The following FAT3 variants were observed in gnomAD, a reference collection of about 807,000 sequenced individuals.
FAT3 encodes the protein FAT atypical cadherin 3, also known as protocadherin Fat 3.
In FAT3, 95 loss-of-function variants were observed where a neutral mutation model predicts 310.2. The observed-to-expected ratio is 0.31, with a 90% confidence interval of 0.26 to 0.36. FAT3 has a LOEUF of 0.36. FAT3 is among the 10% of genes least tolerant of loss of function. The pLI is 1.00. For missense variants in FAT3, 5,408 were observed against 5,715.6 expected, an observed-to-expected ratio of 0.95 and a Z score of 1.74; for synonymous variants, 2,314 against 2,192.9, an observed-to-expected ratio of 1.06 and a Z score of -1.54.
intron 1 of FAT3, among the ~76,000 whole-genome samples, chr11:92,233,766 G>A (rs1864292493): frequency 6.6e-6 from 1 of 152,210 alleles, no homozygotes; most frequent in African/African-American, 2.4e-5. Context: ...TATATTGCCA[G>A]ATCAATTCCC....
chr11:92,343,319 A>T (rs10830899), intron 1 of FAT3, among the ~76,000 whole-genome samples: 11,409 of 132,072 alleles, frequency 0.086, 602 homozygotes, highest in African/African-American at 0.23. Context: ...GGCTTTGGTT[A>T]GGGATTTTTT....
At chr11:92,869,882 C>T (rs1276390329) in intron 22 of FAT3, among the ~76,000 whole-genome samples, 2 of 152,206 alleles carry the variant, frequency 1.3e-5, no homozygotes, top group Non-Finnish European at 2.9e-5. Context: ...CAGTGTTGTG[C>T]CCCCAGATCA....
At chr11:92,769,527 A>G (rs1365350289) in intron 6 of FAT3, among the ~76,000 whole-genome samples, 1 of 152,222 alleles carries the variant, frequency 6.6e-6, no homozygotes, top group Non-Finnish European at 1.5e-5. Flanking sequence ...ATATTTCAAT[A>G]GAGAAGGCCA....
intron 3 of FAT3, among the ~76,000 whole-genome samples, chr11:92,601,722 C>T (rs568728736): frequency 6.6e-6 from 1 of 152,036 alleles, no homozygotes. Context: ...TAGAATGGAA[C>T]CTATTATATA....
chr11:92,409,829 G>T (rs1214961190), intron 2 of FAT3, among the ~76,000 whole-genome samples: 2 of 151,950 alleles, frequency 1.3e-5, no homozygotes, highest in African/African-American at 2.4e-5. Context: ...TTTTTCTTTT[G>T]TGTTTTGCCA....
intron 2 of FAT3, among the ~76,000 whole-genome samples, chr11:92,428,859 A>AT (rs1950699563): frequency 6.6e-6 from 1 of 152,120 alleles, no homozygotes; most frequent in Non-Finnish European, 1.5e-5. Context: ...TTTTCTGTTG[A>AT]TTCGGGGTGG....
intron 3 of FAT3, among the ~76,000 whole-genome samples, chr11:92,578,884 A>T (rs1330514875): frequency 1.3e-5 from 2 of 152,146 alleles, no homozygotes; most frequent in East Asian, 3.9e-4. Flanking sequence ...TCATAAAAAA[A>T]ATGCTGGAAA....
At chr11:92,517,054 G>C (rs151006062) in intron 2 of FAT3, among the ~76,000 whole-genome samples, 6,747 of 152,230 alleles carry the variant, frequency 0.044, 183 homozygotes, top group East Asian at 0.084. Flanking sequence ...CGGCCATACT[G>C]CCCAAAGAAA....
chr11:92,525,436 C>T (rs888540743), intron 3 of FAT3, among the ~76,000 whole-genome samples: 1 of 152,178 alleles, frequency 6.6e-6, no homozygotes, highest in Non-Finnish European at 1.5e-5. Context: ...TCCAGTGTCT[C>T]AATTTTTACA....
chr11:92,282,825 G>A (rs1245000814), intron 1 of FAT3, among the ~76,000 whole-genome samples: 4 of 151,996 alleles, frequency 2.6e-5, no homozygotes, highest in African/African-American at 4.8e-5. Context: ...CTCTGTAAAC[G>A]ATTGTTTACT....
intron 1 of FAT3, among the ~76,000 whole-genome samples, chr11:92,300,088 C>G (rs570510729): frequency 6.6e-6 from 1 of 152,158 alleles, no homozygotes; most frequent in Non-Finnish European, 1.5e-5. Context: ...AGTGTGCATC[C>G]TAACAATTGG....
intron 2 of FAT3, among the ~76,000 whole-genome samples, chr11:92,499,622 T>G (rs1210804016): frequency 2.6e-5 from 4 of 152,022 alleles, no homozygotes; most frequent in Non-Finnish European, 2.9e-5. Flanking sequence ...CCTAGCTGAC[T>G]GCCCAGCATC....
intron 6 of FAT3, among the ~76,000 whole-genome samples, chr11:92,771,873 T>A (rs1946467140): frequency 6.6e-6 from 1 of 151,926 alleles, no homozygotes; most frequent in Admixed American, 6.6e-5. Flanking sequence ...ACTAAGCACG[T>A]GCGATGATTA....
intron 1 of FAT3, among the ~76,000 whole-genome samples, chr11:92,226,706 G>T (rs949706268): frequency 1.3e-5 from 2 of 152,090 alleles, no homozygotes; most frequent in Admixed American, 1.3e-4. Context: ...CCGGAGCGTG[G>T]GCGGCCGGTG....
chr11:92,502,018 T>C (rs947826090), intron 2 of FAT3, among the ~76,000 whole-genome samples: 1 of 152,040 alleles, frequency 6.6e-6, no homozygotes, highest in Admixed American at 6.6e-5. Context: ...TGTCAAGTTA[T>C]AATAGTTTAA....
intron 21 of FAT3, among the ~76,000 whole-genome samples, chr11:92,860,364 A>G (rs1349012425): frequency 1.3e-5 from 2 of 152,166 alleles, no homozygotes; most frequent in Non-Finnish European, 2.9e-5. Flanking sequence ...CATGCCGTTA[A>G]TCTCCATACT....
chr11:92,659,205 G>A (rs1182749613), intron 3 of FAT3, among the ~76,000 whole-genome samples: 1 of 152,184 alleles, frequency 6.6e-6, no homozygotes, highest in East Asian at 1.9e-4. Context: ...AATTCACAGA[G>A]GCTAACCAGC....
At chr11:92,409,565 G>A (rs893799884) in intron 2 of FAT3, among the ~76,000 whole-genome samples, 2 of 152,080 alleles carry the variant, frequency 1.3e-5, no homozygotes, top group African/African-American at 4.8e-5. Flanking sequence ...GTCAGTTGGT[G>A]CTATTTAATG....
At chr11:92,836,120 A>G (rs917345834) in intron 15 of FAT3, among the ~76,000 whole-genome samples, 3 of 152,144 alleles carry the variant, frequency 2.0e-5, no homozygotes, top group African/African-American at 7.2e-5. Context: ...GGAGCAATAG[A>G]CAGAGGGGCG....
Sources: gnomAD v4.1 joint callset for allele counts (sites outside exome capture counted in the v4.1 genomes callset) on GRCh38, gnomAD v4.1.1 for gene constraint, MANE v1.5 for transcripts, NCBI Gene and HGNC (gene_info 2026-07-23, HGNC 2026-07-21) for gene names.